PACS1: variants seen among roughly 807,000 people sequenced by gnomAD.
PACS1 encodes the protein PACS-1.
In PACS1, 24 loss-of-function variants were observed where a neutral mutation model predicts 115.0. That is an observed-to-expected ratio of 0.21 (90% CI 0.15 to 0.29). PACS1 has a LOEUF of 0.29. Among genes scored for constraint, PACS1 ranks in the 10% least tolerant of loss-of-function variants. PACS1 has a pLI of 1.00. For synonymous variants in PACS1, 453 were observed against 504.5 expected, an observed-to-expected ratio of 0.90 and a Z score of 1.37; for missense variants, 838 against 1,251.2, an observed-to-expected ratio of 0.67 and a Z score of 4.98.
intron 2 of PACS1, among the ~76,000 whole-genome samples, chr11:66,207,286 A>G (rs1854963296): frequency 6.6e-6 from 1 of 152,054 alleles, no homozygotes; most frequent in Non-Finnish European, 1.5e-5. Flanking sequence ...GGCCAACATG[A>G]TAAAACCTCA....
At chr11:66,113,255 T>C (rs1858226942) in intron 1 of PACS1, among the ~76,000 whole-genome samples, 1 of 152,246 alleles carries the variant, frequency 6.6e-6, no homozygotes, top group African/African-American at 2.4e-5. Context: ...TTTGTTTACC[T>C]ACCCACTTCT....
At chr11:66,135,721 A>G (rs1270906200) in intron 1 of PACS1, among the ~76,000 whole-genome samples, 4 of 150,828 alleles carry the variant, frequency 2.7e-5, no homozygotes, top group Admixed American at 2.0e-4. Flanking sequence ...CAGTGGTGCA[A>G]TCTCAACTCA....
intron 1 of PACS1, among the ~76,000 whole-genome samples, chr11:66,192,336 A>G (rs1187913607): frequency 6.6e-6 from 1 of 152,208 alleles, no homozygotes; most frequent in Non-Finnish European, 1.5e-5. Context: ...CTGGGGACAC[A>G]TCACAGACTT....
At position 66,239,143 on chromosome 11, in the gene PACS1, C is replaced by G. The variant is rs762894930; in HGVS notation, c.2295C>G (p.Gly765=). The G allele has an allele frequency of 6.2e-7, 1 of 1,614,160 alleles. No individual in the cohort carries two copies. The highest frequency in any genetic ancestry group is 8.5e-7 in the Non-Finnish European group (1 of 1,180,000). Residue 765 remains glycine (G), a splice_region_variant and synonymous_variant, in exon 21 of 24, where the codon GGC becomes GGG. Coordinates refer to ENST00000320580, the MANE Select transcript of PACS1 (RefSeq NM_018026.4). The part of the protein sequence containing the change: ...GLVEDSPSTA[G]DGDDSPVVSL... ...TGTTTGTCGTTTGTCCCCTGACAGG[C>G]GATGGGGACGATTCTCCTGTGGTCA...
intron 1 of PACS1, among the ~76,000 whole-genome samples, chr11:66,181,679 T>G (rs1175874154): frequency 6.6e-6 from 1 of 152,180 alleles, no homozygotes; most frequent in Non-Finnish European, 1.5e-5. Context: ...ATATAATATA[T>G]TTTTGTTTGA....
chr11:66,237,825 G>A (rs936359559), intron 19 of PACS1, among the ~76,000 whole-genome samples: 2 of 152,242 alleles, frequency 1.3e-5, no homozygotes, highest in African/African-American at 4.8e-5. Flanking sequence ...AAGCCCCAGA[G>A]TGGCAATTTG....
intron 1 of PACS1, among the ~76,000 whole-genome samples, chr11:66,099,285 A>G (rs1857857748): frequency 6.6e-6 from 1 of 152,056 alleles, no homozygotes; most frequent in African/African-American, 2.4e-5. Flanking sequence ...GTGCATTGGC[A>G]CAATCTCTGG....
Position 66,193,472 on chromosome 11 carries a change from C to T in PACS1, c.357-14C>T. ...CCTCGCATATGACAGCATCTTCCTT[C>T]TCTGTTTTTCTAGGCTATTCAGCTT... On this transcript the variant is annotated splice_polypyrimidine_tract_variant and intron_variant, in intron 1 of 23. Coordinates refer to ENST00000320580, the MANE Select transcript of PACS1 (RefSeq NM_018026.4). 6.3e-7 allele frequency: 1 copy of T among 1,586,314 alleles called. No individual in the cohort carries two copies. The highest frequency in any genetic ancestry group is 1.1e-5 in the South Asian group (1 of 90,386).
chr11:66,089,675 A>G (rs1857625544), intron 1 of PACS1, among the ~76,000 whole-genome samples: 1 of 152,144 alleles, frequency 6.6e-6, no homozygotes, highest in Non-Finnish European at 1.5e-5. Context: ...AACAGACGAG[A>G]CAACTTATAA....
intron 2 of PACS1, among the ~76,000 whole-genome samples, chr11:66,204,627 AG>A (rs1854890445): frequency 6.6e-6 from 1 of 152,230 alleles, no homozygotes; most frequent in African/African-American, 2.4e-5. Context: ...GCCATAAAAA[AG>A]AATGAGTTCC....
chr11:66,160,671 T>C (rs1307680673), intron 1 of PACS1, among the ~76,000 whole-genome samples: 1 of 85,698 alleles, frequency 1.2e-5, no homozygotes, highest in South Asian at 7.5e-4. Context: ...TGATTTTTTT[T>C]TTTTTTTTTT....
At chr11:66,092,720 CA>C (rs1392404684) in intron 1 of PACS1, among the ~76,000 whole-genome samples, 3 of 152,012 alleles carry the variant, frequency 2.0e-5, no homozygotes, top group African/African-American at 4.8e-5. Flanking sequence ...GGAAGGGATC[CA>C]GTTTCAGCTT....
At chr11:66,105,559 A>G (rs1858019103) in intron 1 of PACS1, among the ~76,000 whole-genome samples, 3 of 152,214 alleles carry the variant, frequency 2.0e-5, no homozygotes, top group Admixed American at 6.5e-5. Flanking sequence ...TAATGTGAAA[A>G]TGAAATCATT....
At chr11:66,210,234 T>C (rs1164207346) in intron 2 of PACS1, 128 bp from the exon 3 acceptor site, 8 of 684,382 alleles carry the variant, frequency 1.2e-5, no homozygotes, top group Non-Finnish European at 1.6e-5. Context: ...GGAGTCTCAC[T>C]ATGTTGCCCC....
Position 66,070,644 on chromosome 11 carries a change from C to T in PACS1, c.158C>T (p.Ala53Val), listed in dbSNP as rs746401725. Reference protein sequence around the residue: ...QQPTPPKLAQATSSSSSTSAA... With the variant: ...QQPTPPKLAQVTSSSSSTSAA... ...CCGACGCCCCCCAAGCTGGCCCAGG[C>T]CACCTCGTCGTCCTCGTCCACCTCG... Residue 53 changes from alanine (A) to valine (V), a missense_variant, in exon 1 of 24, where the codon GCC (alanine) becomes GTC (valine). Physicochemically the swap from Ala to Val is moderately conservative, Grantham distance 64. Around this residue, in one of 6 missense-constraint regions of PACS1, gnomAD observed 129 missense variants for 109.4 expected, o/e 1.18. Coordinates refer to ENST00000320580, the MANE Select transcript of PACS1 (RefSeq NM_018026.4). The surrounding 1 kb of genome is among the most constrained non-coding windows in gnomAD (Gnocchi z 5.9). 2.6e-6 allele frequency: 4 copies of T among 1,559,484 alleles called. No homozygotes were observed. In the South Asian group the frequency reaches 4.6e-5, roughly 18 times the overall value.
At chr11:66,203,504 C>T (rs542526866) in intron 2 of PACS1, among the ~76,000 whole-genome samples, 1 of 151,598 alleles carries the variant, frequency 6.6e-6, no homozygotes, top group East Asian at 1.9e-4. Context: ...AAAAAAAAAT[C>T]CTAAAATGTA....
At chr11:66,175,023 C>T (rs191536804) in intron 1 of PACS1, among the ~76,000 whole-genome samples, 12 of 152,104 alleles carry the variant, frequency 7.9e-5, no homozygotes, top group Admixed American at 3.3e-4. Flanking sequence ...TGGTCGCAGA[C>T]GCCTGTAATT....
intron 11 of PACS1, 38 bp downstream of exon 11, chr11:66,227,622 A>G: frequency 7.5e-7 from 1 of 1,334,694 alleles, no homozygotes; most frequent in Non-Finnish European, 1.1e-6. Context: ...GCTGTTTCAA[A>G]TAGTGTTTGT....
At chr11:66,116,915 A>T (rs1440417018) in intron 1 of PACS1, among the ~76,000 whole-genome samples, 1 of 151,658 alleles carries the variant, frequency 6.6e-6, no homozygotes, top group Non-Finnish European at 1.5e-5. Context: ...AACAACTCAG[A>T]TTCTAGTTGG....
Sources: allele counts gnomAD v4.1 joint callset (sites outside exome capture counted in the v4.1 genomes callset), GRCh38; gene constraint gnomAD v4.1.1; regional missense constraint gnomAD v4.1.1; non-coding constraint Gnocchi (gnomAD v3.1); transcripts MANE v1.5; gene names NCBI Gene and HGNC (gene_info 2026-07-23, HGNC 2026-07-21).